Variants in AGPS observed in about 807,000 individuals in gnomAD.
AGPS encodes the protein alkylglycerone phosphate synthase.
A neutral mutation model predicts 90.7 loss-of-function variants in AGPS; 26 were observed. The ratio of observed to expected loss-of-function variants is 0.29; its 90% confidence interval spans 0.21 to 0.40. The LOEUF is 0.40. Among genes scored for constraint, AGPS ranks in the 10% least tolerant of loss-of-function variants. The pLI is 1.00. For synonymous variants in AGPS, 294 were observed against 285.3 expected, an observed-to-expected ratio of 1.03 and a Z score of -0.31; for missense variants, 540 against 816.1, an observed-to-expected ratio of 0.66 and a Z score of 4.12.
chr2:177,434,518 C>A, intron 3 of AGPS, 101 bp downstream of exon 3: 2 of 911,374 alleles, frequency 2.2e-6, no homozygotes, highest in Admixed American at 2.2e-5. Context: ...TTTACTGCAA[C>A]TGTCATGTTT....
intron 2 of AGPS, among the ~76,000 whole-genome samples, chr2:177,427,665 T>C (rs1432650183): frequency 6.6e-6 from 1 of 152,200 alleles, no homozygotes; most frequent in Non-Finnish European, 1.5e-5. Flanking sequence ...TTTTTAGTCT[T>C]GATTCTAACC....
intron 17 of AGPS, among the ~76,000 whole-genome samples, chr2:177,515,189 A>C (rs1025756246): frequency 4.0e-5 from 6 of 151,854 alleles, no homozygotes; most frequent in Non-Finnish European, 5.9e-5. Flanking sequence ...TTAACAATGC[A>C]CCTTTTATCT....
chr2:177,406,426 G>T (rs990349943), intron 1 of AGPS, among the ~76,000 whole-genome samples: 3 of 152,210 alleles, frequency 2.0e-5, no homozygotes, highest in African/African-American at 4.8e-5. Context: ...AATTCTTGAA[G>T]AAGATAGGAA....
intron 18 of AGPS, among the ~76,000 whole-genome samples, chr2:177,522,685 C>T (rs926160767): frequency 6.6e-6 from 1 of 152,130 alleles, no homozygotes; most frequent in African/African-American, 2.4e-5. Context: ...AACTCCTGAC[C>T]TCAAGTGATC....
chr2:177,400,198 A>G (rs1203884861), intron 1 of AGPS, among the ~76,000 whole-genome samples: 1 of 152,200 alleles, frequency 6.6e-6, no homozygotes, highest in African/African-American at 2.4e-5. Context: ...GCTCCCAGGT[A>G]CTAAATCATT....
At chr2:177,414,965 A>T (rs1388123587) in intron 1 of AGPS, among the ~76,000 whole-genome samples, 5 of 151,096 alleles carry the variant, frequency 3.3e-5, no homozygotes, top group Non-Finnish European at 7.4e-5. Flanking sequence ...ATTATAAATA[A>T]TATATCTGGA....
At chr2:177,509,891 G>C (rs1333870331) in intron 16 of AGPS, among the ~76,000 whole-genome samples, 1 of 152,056 alleles carries the variant, frequency 6.6e-6, no homozygotes, top group Non-Finnish European at 1.5e-5. Flanking sequence ...TTTTTCCACA[G>C]GACTAGTCTA....
intron 11 of AGPS, among the ~76,000 whole-genome samples, chr2:177,489,726 T>G (rs770426299): frequency 2.0e-5 from 3 of 152,228 alleles, no homozygotes; most frequent in African/African-American, 4.8e-5. Flanking sequence ...ATTTGAGAGA[T>G]TCTAGTAAGG....
intron 7 of AGPS, among the ~76,000 whole-genome samples, 158 bp downstream of exon 7, chr2:177,442,644 C>T (rs147712861): frequency 0.019 from 2,874 of 151,976 alleles, 78 homozygotes; most frequent in Non-Finnish European, 0.024. Context: ...GTCGGGAGTT[C>T]GAGACCAGCC....
intron 19 of AGPS, among the ~76,000 whole-genome samples, chr2:177,526,411 G>C (rs1159443897): frequency 6.6e-6 from 1 of 152,146 alleles, no homozygotes; most frequent in South Asian, 2.1e-4. Flanking sequence ...TGTATTTTTA[G>C]TAGAGACGGG....
chr2:177,521,373 T>G lies in AGPS; in HGVS notation c.1797+5T>G. The G allele has an allele frequency of 6.2e-7, 1 of 1,602,716 alleles. No individual in the cohort carries two copies. On this transcript the variant is annotated splice_donor_5th_base_variant and intron_variant, in intron 18 of 19. Coordinates refer to ENST00000264167, the MANE Select transcript of AGPS (RefSeq NM_003659.4). ...ACCGTATTTGAACAAACTGAGGTAATTTTGCATACCTGCATATAGCTTTTA... is the reference window on the plus strand; with the variant it reads ...ACCGTATTTGAACAAACTGAGGTAAGTTTGCATACCTGCATATAGCTTTTA...
chr2:177,462,617 A>G (rs1482194644), intron 9 of AGPS, among the ~76,000 whole-genome samples: 1 of 152,038 alleles, frequency 6.6e-6, no homozygotes, highest in African/African-American at 2.4e-5. Flanking sequence ...CTCTATATCC[A>G]CTGGTTTCGT....
At chr2:177,455,474 T>C (rs915862962) in intron 8 of AGPS, among the ~76,000 whole-genome samples, 2 of 151,980 alleles carry the variant, frequency 1.3e-5, no homozygotes, top group Admixed American at 6.6e-5. Context: ...TTTTTTAAAA[T>C]ACAAGGATGG....
chr2:177,444,168 C>G (rs1686696172), intron 7 of AGPS, among the ~76,000 whole-genome samples: 1 of 152,072 alleles, frequency 6.6e-6, no homozygotes, highest in African/African-American at 2.4e-5. Flanking sequence ...CGCCTGTAAT[C>G]CCAGCACTTT....
chr2:177,438,528 A>G (rs1686488309), intron 5 of AGPS, among the ~76,000 whole-genome samples: 1 of 152,172 alleles, frequency 6.6e-6, no homozygotes, highest in Non-Finnish European at 1.5e-5. Context: ...CTCCCATTTT[A>G]TTGGTTCCCT....
chr2:177,497,000 G>A (rs74366703), intron 12 of AGPS, among the ~76,000 whole-genome samples: 2 of 152,166 alleles, frequency 1.3e-5, no homozygotes, highest in African/African-American at 4.8e-5. Flanking sequence ...GAGGCCAGAT[G>A]CATGACTCTT....
intron 19 of AGPS, among the ~76,000 whole-genome samples, chr2:177,535,889 T>C (rs1232726064): frequency 6.6e-6 from 1 of 151,900 alleles, no homozygotes; most frequent in Non-Finnish European, 1.5e-5. Flanking sequence ...ACAGCTTTGT[T>C]GGCCGTACTG....
rs571079906 is a variant in AGPS, at chr2:177,441,670, CAT to C, written c.709+635_709+636del. Among the ~76,000 whole-genome samples the C allele has an allele frequency of 1.7e-3, 255 of 152,272 alleles. 1 individual carries two copies. The Middle Eastern group carries it at 0.02, about 12-fold the overall frequency. ...TACTTCTTGTGGAAGGTGACTTTCA[CAT>C]GTTTTCTTTCATGCAGAACTTATGG... On this transcript the variant is annotated intron_variant, in intron 6 of 19. Transcript: ENST00000264167.
At chr2:177,507,910 T>C (rs1398934859) in intron 15 of AGPS, 60 bp from the exon 16 acceptor site, 1 of 1,098,868 alleles carries the variant, frequency 9.1e-7, no homozygotes, top group Non-Finnish European at 1.4e-6. Flanking sequence ...AGACTAACAG[T>C]GTTATTGATT....
Sources: allele counts gnomAD v4.1 joint callset (sites outside exome capture counted in the v4.1 genomes callset), GRCh38; gene constraint gnomAD v4.1.1; transcripts MANE v1.5; gene names NCBI Gene and HGNC (gene_info 2026-07-23, HGNC 2026-07-21).